The following HEXA variants were observed in gnomAD, a reference collection of about 807,000 sequenced individuals.
The protein encoded by HEXA is hexosaminidase subunit alpha.
In HEXA, 54 loss-of-function variants were observed where a neutral mutation model predicts 73.3. The observed-to-expected ratio is 0.74, with a 90% CI of 0.59 to 0.92. The LOEUF (loss-of-function observed/expected upper bound fraction) is 0.92. HEXA is among the 40% of genes least tolerant of loss of function. HEXA has a pLI of 0.00. For missense variants in HEXA, 649 were observed against 653.0 expected (o/e 0.99, Z 0.07); for synonymous variants, 230 against 246.9 (o/e 0.93, Z 0.64).
rs1194893602 is a variant in HEXA at position 72,375,958 on chromosome 15, C to G, written c.15G>C (p.Arg5Ser). The change falls in exon 1 of 14, where the codon AGG (arginine) becomes AGC (serine). Residue 5 changes from arginine (R) to serine (S), a missense_variant. Arg to Ser is a moderately radical substitution (Grantham distance 110). Coordinates refer to ENST00000268097, the MANE Select transcript of HEXA (RefSeq NM_000520.6). ...CCGCCAGCAGCAGCGAAAACCAAAG[C>G]CTGGAGCTTGTCATGGCCCGCTGGT... Reference protein sequence around the residue: MTSSRLWFSLLLAAA... With the variant: MTSSSLWFSLLLAAA... 6.2e-7 allele frequency: 1 copy of G among 1,613,806 alleles called. No homozygotes were observed. Among genetic ancestry groups the G allele is most frequent in the Non-Finnish European group, 8.5e-7 (1 of 1,180,022 alleles).
rs1291660859 is a variant in HEXA at position 72,349,072 on chromosome 15, C to A, written c.986+7G>T. ...AGGCCACAGTGGGAAGATCAAAGGG[C>A]TCATACCAGCAGGTGAAATCAACCT... On this transcript the variant is annotated splice_region_variant and intron_variant, in intron 8 of 13. Transcript: ENST00000268097. The A allele has an allele frequency of 1.2e-6, 2 of 1,611,984 alleles. No individual in the cohort carries two copies. Among genetic ancestry groups the A allele is most frequent in the Admixed American group, 3.3e-5 (2 of 60,004 alleles).
At position 72,348,153 on chromosome 15, in the gene HEXA, T is replaced by C; in HGVS notation, c.987-19A>G. 6.4e-7 allele frequency: 1 copy of C among 1,551,150 alleles called. No individual in the cohort carries two copies. Among genetic ancestry groups the C allele is most frequent in the Non-Finnish European group, 8.9e-7 (1 of 1,122,576 alleles). On this transcript the variant is annotated intron_variant, in intron 8 of 13. Coordinates refer to ENST00000268097, the MANE Select transcript of HEXA (RefSeq NM_000520.6). ...GGACTTCCTGAATCCCAAGAGAAAA[T>C]GAAGATTAATCTTTCAACATCCTGA...
chr15:72,344,916 C>T (rs1328197515), intron 13 of HEXA, among the ~76,000 whole-genome samples: 2 of 152,236 alleles, frequency 1.3e-5, no homozygotes, highest in Non-Finnish European at 2.9e-5. Flanking sequence ...TTCTTAGTGA[C>T]TTTGGGCAAG....
chr15:72,354,777 G>C (rs1567299997), intron 3 of HEXA: 1 of 152,370 alleles, frequency 6.6e-6, no homozygotes, highest in Non-Finnish European at 1.5e-5. Context: ...TTCACCAGCA[G>C]AGGGTTTACC....
At chr15:72,374,975 C>T (rs772034276) in intron 1 of HEXA, among the ~76,000 whole-genome samples, 2 of 152,114 alleles carry the variant, frequency 1.3e-5, no homozygotes, top group Non-Finnish European at 2.9e-5. Flanking sequence ...TTTTCAGTCC[C>T]GGCTAATTAC....
intron 10 of HEXA, 151 bp downstream of exon 10, chr15:72,347,535 C>A: frequency 1.4e-6 from 1 of 726,770 alleles, no homozygotes; most frequent in Non-Finnish European, 2.5e-6. Flanking sequence ...ACCCAGCACT[C>A]TGTGGCCTTT....
chr15:72,346,534 T>C lies in HEXA; in HGVS notation c.1323A>G (p.Ala441=). 6.2e-7 allele frequency: 1 copy of C among 1,613,914 alleles called. No individual in the cohort carries two copies. Residue 441 remains alanine, a synonymous_variant, in exon 11 of 14, where the codon GCA becomes GCG. Transcript: ENST00000268097. ...WKDFYIVEPL[A]FEGTPEQKAL... ...AGAGCTCTCTGCTTTCACCTTCAAATGCCAGGGGTTCCACTATGTAGAAAT... is the reference window on the plus strand; with the variant it reads ...AGAGCTCTCTGCTTTCACCTTCAAACGCCAGGGGTTCCACTATGTAGAAAT...
intron 1 of HEXA, among the ~76,000 whole-genome samples, chr15:72,361,486 A>T (rs1420873444): frequency 6.6e-6 from 1 of 152,106 alleles, no homozygotes; most frequent in East Asian, 1.9e-4. Flanking sequence ...TTTCCAAGCC[A>T]ACTCTTCTTC....
At chr15:72,346,088 ATCT>A in intron 12 of HEXA, 144 bp downstream of exon 12, 1 of 677,804 alleles carries the variant, frequency 1.5e-6, no homozygotes. Context: ...TTGCACACAA[ATCT>A]TCAGAAGGCT....
chr15:72,348,715 T>C (rs1272916011), intron 8 of HEXA, among the ~76,000 whole-genome samples: 1 of 152,210 alleles, frequency 6.6e-6, no homozygotes, highest in Non-Finnish European at 1.5e-5. Flanking sequence ...TAATTAGACA[T>C]TGTCACCTAT....
At chr15:72,349,802 C>T (rs888734107) in intron 7 of HEXA, among the ~76,000 whole-genome samples, 3 of 152,174 alleles carry the variant, frequency 2.0e-5, no homozygotes, top group Admixed American at 6.5e-5. Flanking sequence ...CTTGCTCTGT[C>T]GCCCAGGCTG....
intron 1 of HEXA, among the ~76,000 whole-genome samples, chr15:72,368,548 C>G (rs1446644293): frequency 6.6e-6 from 1 of 152,212 alleles, no homozygotes; most frequent in Non-Finnish European, 1.5e-5. Flanking sequence ...CCGTGTTCTA[C>G]TTCCCTTTTC....
rs867369722 is a variant in HEXA, at chr15:72,351,274, C to T, written c.571-40G>A. 4.2e-5 allele frequency: 56 copies of T among 1,349,176 alleles called. 3 individuals carry two copies. The Middle Eastern group carries it at 7.5e-3, about 181-fold the overall frequency. The allele number at this position is 1,349,176 out of a possible 1,614,324, so 83.6% of individuals were successfully genotyped here. A position where few individuals can be genotyped will look rare whatever the true frequency, so the allele number is the denominator to read the frequency against. On this transcript the variant is annotated intron_variant, in intron 5 of 13. Coordinates refer to ENST00000268097, the MANE Select transcript of HEXA (RefSeq NM_000520.6). ...GCACACTGTGAACCCATCACAGTCT[C>T]TCCGGTTTCAGCCTCAAACTTGCGA...
chr15:72,351,722 G>C (rs1261533642), intron 5 of HEXA: 1 of 197,748 alleles, frequency 5.1e-6, no homozygotes, highest in Admixed American at 5.3e-5. Flanking sequence ...AGGAGCAAAG[G>C]AAAAGGCAGA....
At chr15:72,351,349 G>C in intron 5 of HEXA, 115 bp from the exon 6 acceptor site, 1 of 747,250 alleles carries the variant, frequency 1.3e-6, no homozygotes, top group South Asian at 1.4e-5. Context: ...GGCTTGACCT[G>C]CCTCAGCTCT....
At chr15:72,355,878 T>C in intron 2 of HEXA, 1 of 569,186 alleles carries the variant, frequency 1.8e-6, no homozygotes, top group Non-Finnish European at 3.3e-6. Context: ...AGAGTCAGGC[T>C]GGAGTGGAGG....
intron 1 of HEXA, among the ~76,000 whole-genome samples, chr15:72,367,305 G>C (rs538277945): frequency 1.3e-5 from 2 of 152,206 alleles, no homozygotes; most frequent in South Asian, 4.1e-4. Flanking sequence ...GTTAATGGCA[G>C]CACGAGTGAA....
In HEXA at chr15:72,356,576, C is replaced by T. The variant is rs1206698084; in HGVS notation, c.295G>A (p.Val99Ile). 1 of 1,614,080 alleles carries T rather than the reference C, an allele frequency of 6.2e-7. No homozygotes were observed. The change falls in exon 2 of 14, where the codon GTA becomes ATA. Residue 99 changes from valine to isoleucine, a missense_variant. By Grantham distance (29) the Val-to-Ile change is conservative. Transcript: ENST00000268097. ...AGCTGGTTACATCCAGGTGTGACTACAGAGACAACCAACACATTCTTCTCC... is the reference window on the plus strand; with the variant it reads ...AGCTGGTTACATCCAGGTGTGACTATAGAGACAACCAACACATTCTTCTCC... ...TLEKNVLVVS[V>I]VTPGCNQLPT...
intron 1 of HEXA, chr15:72,370,510 G>A (rs2088975850): frequency 2.5e-6 from 1 of 396,166 alleles, no homozygotes; most frequent in Non-Finnish European, 4.4e-6. Context: ...GGGCAACACA[G>A]TAAGACCCCC....
Sources: gnomAD v4.1 joint callset for allele counts (sites outside exome capture counted in the v4.1 genomes callset) on GRCh38, gnomAD v4.1.1 for gene constraint, MANE v1.5 for transcripts, NCBI Gene and HGNC (gene_info 2026-07-23, HGNC 2026-07-21) for gene names.